Variants in GOPC observed in about 807,000 individuals in gnomAD.
GOPC encodes the protein Golgi-associated PDZ and coiled-coil motif-containing protein.
A neutral mutation model predicts 51.2 loss-of-function variants in GOPC; 32 were observed. The ratio of observed to expected loss-of-function variants is 0.63; its 90% CI spans 0.47 to 0.84. The LOEUF (loss-of-function observed/expected upper bound fraction) is 0.84. Ranked by LOEUF, GOPC falls within the 40% of genes least tolerant of loss-of-function variation. The pLI is 0.00. For synonymous variants in GOPC, 190 were observed against 205.1 expected, an observed-to-expected ratio of 0.93 and a Z score of 0.63; for missense variants, 441 against 555.5, an observed-to-expected ratio of 0.79 and a Z score of 2.07.
At chr6:117,576,980 T>C (rs1779891680) in intron 3 of GOPC, among the ~76,000 whole-genome samples, 1 of 152,084 alleles carries the variant, frequency 6.6e-6, no homozygotes, top group South Asian at 2.1e-4. Flanking sequence ...CAAAATTCAA[T>C]TGTTTCAAAG....
Position 117,562,649 on chromosome 6 carries a change from CTA to C in GOPC, c.*603_*604del, listed in dbSNP as rs1180597347. On this transcript the variant is annotated 3_prime_UTR_variant, in exon 9 of 9. Coordinates refer to ENST00000368498, the MANE Select transcript of GOPC (RefSeq NM_020399.4). ...TTGATAAAAGACTGCTTAAAGAAAA[CTA>C]TTTTGTACTGCATTGAATAAAGCTG... 4.9e-6 allele frequency: 1 copy of C among 204,366 alleles called. No individual in the cohort carries two copies. Among genetic ancestry groups the C allele is most frequent in the Admixed American group, 6.0e-5 (1 of 16,770 alleles). 12.7% of individuals were successfully genotyped at this position (204,366 alleles called of 1,614,324 possible). A position where few individuals can be genotyped will look rare whatever the true frequency, so the allele number is the denominator to read the frequency against.
chr6:117,573,319 C>A (rs2114610612), intron 5 of GOPC, 148 bp downstream of exon 5: 2 of 896,590 alleles, frequency 2.2e-6, no homozygotes, highest in East Asian at 5.5e-5. Flanking sequence ...GGTGTTGAAA[C>A]TTCATCTACT....
Position 117,570,865 on chromosome 6 carries a change from T to C in GOPC, c.907A>G (p.Ile303Val). ...KEDHEGLGIS[I>V]TGGKEHGVPI... ...CTGGAAGTACTACTTCTTACTGTAATTGAAATGCCAAGGCCTTCATGATCT... is the reference window on the plus strand; with the variant it reads ...CTGGAAGTACTACTTCTTACTGTAACTGAAATGCCAAGGCCTTCATGATCT... The change falls in exon 6 of 9, where the codon ATT becomes GTT. Residue 303 changes from isoleucine (I) to valine (V), a missense_variant. Transcript: ENST00000368498. 2.6e-6 allele frequency: 4 copies of C among 1,523,430 alleles called. No individual in the cohort carries two copies. The highest frequency in any genetic ancestry group is 1.2e-5 in the South Asian group (1 of 83,768). The allele number at this position is 1,523,430 out of a possible 1,614,324, so 94.4% of individuals were successfully genotyped here. A position where few individuals can be genotyped will look rare whatever the true frequency, so the allele number is the denominator to read the frequency against.
intron 1 of GOPC, among the ~76,000 whole-genome samples, chr6:117,599,797 A>G (rs1771962038): frequency 6.6e-6 from 1 of 152,212 alleles, no homozygotes; most frequent in Non-Finnish European, 1.5e-5. Context: ...AATTCTGAAT[A>G]CTCATCTAAA....
At chr6:117,600,146 CGA>C (rs1771971815) in intron 1 of GOPC, among the ~76,000 whole-genome samples, 1 of 152,108 alleles carries the variant, frequency 6.6e-6, no homozygotes. Context: ...CTCGAGAAGT[CGA>C]GAGCCTTCTT....
chr6:117,562,891 G>A lies in GOPC; in HGVS notation c.*363C>T, dbSNP rs1779615305. The stretch of plus-strand genomic sequence containing the variant: ...TCACTTACTCTCTGTATTTTAAAGG[G>A]TACTCCTTATAAAATTCCAGTTAGC... On this transcript the variant is annotated 3_prime_UTR_variant, in exon 9 of 9. Transcript: ENST00000368498. 3 of 237,504 alleles carry A rather than the reference G, an allele frequency of 1.3e-5. No homozygotes were observed. Among genetic ancestry groups the A allele is most frequent in the African/African-American group, 4.4e-5 (2 of 45,118 alleles). 14.7% of individuals were successfully genotyped at this position (237,504 alleles called of 1,614,324 possible).
chr6:117,584,942 T>C (rs1780008879), intron 1 of GOPC, among the ~76,000 whole-genome samples: 1 of 152,102 alleles, frequency 6.6e-6, no homozygotes, highest in Non-Finnish European at 1.5e-5. Flanking sequence ...CCTTCCACTA[T>C]GACTGTAGGC....
intron 1 of GOPC, among the ~76,000 whole-genome samples, chr6:117,581,833 C>A (rs1583058325): frequency 6.6e-6 from 1 of 152,166 alleles, no homozygotes; most frequent in East Asian, 1.9e-4. Flanking sequence ...ATGAATCTAT[C>A]TTTTGATACA....
Position 117,577,473 on chromosome 6 carries a change from T to C in GOPC, c.451-2A>G. The stretch of plus-strand genomic sequence containing the variant: ...CAGCTCCTCCACAGAGGGGCCAGAC[T>C]TCAGATATAAGAAAAAAGTTTTATA... On this transcript the variant is annotated splice_acceptor_variant, in intron 2 of 8. Coordinates refer to ENST00000368498, the MANE Select transcript of GOPC (RefSeq NM_020399.4). LOFTEE classifies it high-confidence loss of function. 6.2e-7 allele frequency: 1 copy of C among 1,601,304 alleles called. No individual in the cohort carries two copies. Among genetic ancestry groups the C allele is most frequent in the Non-Finnish European group, 8.5e-7 (1 of 1,173,910 alleles).
At chr6:117,600,819 C>T (rs188527927) in intron 1 of GOPC, among the ~76,000 whole-genome samples, 9 of 152,298 alleles carry the variant, frequency 5.9e-5, no homozygotes, top group African/African-American at 1.9e-4. Context: ...TTCATATTAG[C>T]ACTTTCTAAT....
At chr6:117,597,768 T>G (rs1298062522) in intron 1 of GOPC, among the ~76,000 whole-genome samples, 9 of 152,168 alleles carry the variant, frequency 5.9e-5, no homozygotes, top group Non-Finnish European at 8.8e-5. Flanking sequence ...ACATATACAC[T>G]AGGGATATAT....
At chr6:117,581,305 C>T (rs1779954201) in intron 1 of GOPC, among the ~76,000 whole-genome samples, 1 of 152,152 alleles carries the variant, frequency 6.6e-6, no homozygotes, top group Admixed American at 6.5e-5. Context: ...AAATAGTGGG[C>T]TGCCTCTTGC....
At chr6:117,598,578 C>G (rs1771925315) in intron 1 of GOPC, among the ~76,000 whole-genome samples, 1 of 152,140 alleles carries the variant, frequency 6.6e-6, no homozygotes, top group Admixed American at 6.5e-5. Context: ...TAGACTCTCA[C>G]AAGAAGCTGG....
chr6:117,582,519 A>G lies in GOPC; in HGVS notation c.286-3455T>C, dbSNP rs117161322. Among the ~76,000 whole-genome samples, 43 of 151,084 alleles carry G rather than the reference A, an allele frequency of 2.8e-4. No homozygotes were observed. The East Asian group carries it at 8.6e-3, about 30-fold the overall frequency. ...CTACCTATGGCCTGCCCTGCCCCCCATCCTGTGCCAGTAAAGACCCCAGAC... is the reference window on the plus strand; with the variant it reads ...CTACCTATGGCCTGCCCTGCCCCCCGTCCTGTGCCAGTAAAGACCCCAGAC... On this transcript the variant is annotated intron_variant, in intron 1 of 8. Coordinates refer to ENST00000368498, the MANE Select transcript of GOPC (RefSeq NM_020399.4).
intron 6 of GOPC, among the ~76,000 whole-genome samples, 176 bp downstream of exon 6, chr6:117,570,684 A>C: frequency 6.6e-6 from 1 of 152,184 alleles, no homozygotes; most frequent in Middle Eastern, 3.4e-3. Context: ...AGTTGCTAGG[A>C]ATATTTATTT....
intron 1 of GOPC, among the ~76,000 whole-genome samples, chr6:117,579,487 C>T (rs1186259055): frequency 6.6e-6 from 1 of 151,970 alleles, no homozygotes; most frequent in African/African-American, 2.4e-5. Context: ...TGTGTTCTGT[C>T]TTCAATCCAA....
intron 2 of GOPC, 100 bp from the exon 3 acceptor site, chr6:117,577,571 T>C (rs1008357448): frequency 1.1e-5 from 10 of 891,234 alleles, no homozygotes; most frequent in Non-Finnish European, 1.0e-5. Context: ...ACATGTTGGA[T>C]ATCATTTGGG....
intron 8 of GOPC, among the ~76,000 whole-genome samples, chr6:117,564,402 T>G (rs932278958): frequency 1.3e-5 from 2 of 152,256 alleles, no homozygotes; most frequent in African/African-American, 4.8e-5. Context: ...TAACTTCAGT[T>G]AACTGAGGCA....
At position 117,561,662 on chromosome 6, in the gene GOPC, A is replaced by AAT; in HGVS notation, c.*1590_*1591dup. On this transcript the variant is annotated 3_prime_UTR_variant, in exon 9 of 9. Coordinates refer to ENST00000368498, the MANE Select transcript of GOPC (RefSeq NM_020399.4). ...ACTTGCTTATTCATTTGTACAATTAAATACTAGCTTTTGCTCAGAGACAAT... is the reference window on the plus strand; with the variant it reads ...ACTTGCTTATTCATTTGTACAATTAAATATACTAGCTTTTGCTCAGAGACAAT... 4.9e-6 allele frequency: 1 copy of AAT among 203,384 alleles called. No individual in the cohort carries two copies. The highest frequency in any genetic ancestry group is 7.6e-5 in the East Asian group (1 of 13,154). The allele number at this position is 203,384 out of a possible 1,614,324, so 12.6% of individuals were successfully genotyped here. A position where few individuals can be genotyped will look rare whatever the true frequency, so the allele number is the denominator to read the frequency against.
Sources: gnomAD v4.1 joint callset for allele counts (sites outside exome capture counted in the v4.1 genomes callset) on GRCh38, gnomAD v4.1.1 for gene constraint, MANE v1.5 for transcripts, NCBI Gene and HGNC (gene_info 2026-07-23, HGNC 2026-07-21) for gene names.